The following KHDRBS2 variants were observed in gnomAD, a reference collection of about 807,000 sequenced individuals.
The protein encoded by KHDRBS2 is KH domain-containing, RNA-binding, signal transduction-associated protein 2.
A neutral mutation model predicts 44.3 loss-of-function variants in KHDRBS2; 26 were observed. That is an observed-to-expected ratio of 0.59 (90% CI 0.43 to 0.81). The LOEUF is 0.81. Ranked by LOEUF, KHDRBS2 falls within the 40% of genes least tolerant of loss-of-function variation. The pLI is 0.00. For missense variants in KHDRBS2, 476 were observed against 433.1 expected (o/e 1.10, Z -0.88); for synonymous variants, 194 against 151.1 (o/e 1.28, Z -2.08).
downstream of KHDRBS2, among the ~76,000 whole-genome samples, chr6:61,678,304 G>A (rs1242816670): frequency 6.6e-6 from 1 of 151,900 alleles, no homozygotes; most frequent in Non-Finnish European, 1.5e-5. Flanking sequence ...TCAACTTCTC[G>A]TGTACGGAAA....
chr6:61,789,315 A>G (rs763454014), intron 6 of KHDRBS2, among the ~76,000 whole-genome samples: 18 of 151,646 alleles, frequency 1.2e-4, no homozygotes, highest in Non-Finnish European at 2.4e-4. Context: ...GTAGTAGGAG[A>G]AAAGTATTGG....
At chr6:61,950,448 A>AT (rs915989352) in intron 4 of KHDRBS2, among the ~76,000 whole-genome samples, 12 of 151,936 alleles carry the variant, frequency 7.9e-5, no homozygotes, top group East Asian at 3.9e-4. Flanking sequence ...TTAATTCCAG[A>AT]TTTTTTTTCA....
intron 3 of KHDRBS2, among the ~76,000 whole-genome samples, chr6:62,002,019 A>G (rs1204158621): frequency 1.3e-5 from 2 of 152,134 alleles, no homozygotes; most frequent in Admixed American, 1.3e-4. Flanking sequence ...CTTTAGCTGA[A>G]GCATAGAAAG....
intron 3 of KHDRBS2, among the ~76,000 whole-genome samples, chr6:61,980,884 T>A (rs1379198619): frequency 4.6e-5 from 7 of 152,214 alleles, no homozygotes; most frequent in Non-Finnish European, 1.0e-4. Flanking sequence ...ACTGTCTTTG[T>A]GTACTACAGT....
At chr6:62,018,254 G>A (rs1411859656) in intron 3 of KHDRBS2, among the ~76,000 whole-genome samples, 1 of 146,832 alleles carries the variant, frequency 6.8e-6, no homozygotes, top group Admixed American at 6.8e-5. Context: ...TGTATAAATA[G>A]GTATTTATAC....
chr6:61,782,728 T>TACACACACACA (rs1783172976), intron 6 of KHDRBS2, among the ~76,000 whole-genome samples: 1 of 86,690 alleles, frequency 1.2e-5, no homozygotes, highest in African/African-American at 5.6e-5. Context: ...TATATATATA[T>TACACACACACA]ATATATATAT....
At chr6:61,762,988 A>T (rs1199745854) in intron 6 of KHDRBS2, among the ~76,000 whole-genome samples, 2 of 152,082 alleles carry the variant, frequency 1.3e-5, no homozygotes. Context: ...CTTGGCTTTT[A>T]CTTTCACTTC....
At chr6:62,032,965 G>A (rs1246509427) in intron 3 of KHDRBS2, among the ~76,000 whole-genome samples, 1 of 151,814 alleles carries the variant, frequency 6.6e-6, no homozygotes, top group East Asian at 1.9e-4. Context: ...TGAAATTCAA[G>A]ATAACACAGA....
chr6:61,862,773 C>T (rs1227533145), intron 6 of KHDRBS2, among the ~76,000 whole-genome samples: 1 of 151,972 alleles, frequency 6.6e-6, no homozygotes, highest in Non-Finnish European at 1.5e-5. Flanking sequence ...ATATCGGTCT[C>T]AAGTTTTCCT....
At chr6:61,785,571 A>C (rs1237497512) in intron 6 of KHDRBS2, among the ~76,000 whole-genome samples, 1 of 152,066 alleles carries the variant, frequency 6.6e-6, no homozygotes, top group African/African-American at 2.4e-5. Context: ...GAAAGACATA[A>C]AAATTGTTAA....
At chr6:61,632,109 C>A in the KHDRBS2 span, among the ~76,000 whole-genome samples, 1 of 152,068 alleles carries the variant, frequency 6.6e-6, no homozygotes, top group Admixed American at 6.6e-5. Context: ...GTTTTTTCAT[C>A]ATTATGAAAA....
At chr6:61,885,237 T>G (rs1326666634) in intron 6 of KHDRBS2, among the ~76,000 whole-genome samples, 1 of 151,994 alleles carries the variant, frequency 6.6e-6, no homozygotes, top group Middle Eastern at 3.4e-3. Flanking sequence ...CTGTAGCTGG[T>G]TGATAGAAAA....
the KHDRBS2 span, among the ~76,000 whole-genome samples, chr6:61,592,119 A>G: frequency 6.8e-6 from 1 of 146,028 alleles, no homozygotes; most frequent in African/African-American, 2.5e-5. Flanking sequence ...TGAGACCAGG[A>G]GATTGAGGCT....
At chr6:61,778,082 C>G (rs1019630237) in intron 6 of KHDRBS2, among the ~76,000 whole-genome samples, 3 of 152,092 alleles carry the variant, frequency 2.0e-5, no homozygotes, top group African/African-American at 7.2e-5. Context: ...TATTGGAAGT[C>G]CTAGCCAGAG....
chr6:61,866,838 C>A (rs1797873629), intron 6 of KHDRBS2, among the ~76,000 whole-genome samples: 1 of 152,220 alleles, frequency 6.6e-6, no homozygotes, highest in African/African-American at 2.4e-5. Flanking sequence ...TAAAACATAA[C>A]AAGAGTCACC....
At chr6:61,597,811 A>C in the KHDRBS2 span, among the ~76,000 whole-genome samples, 2 of 121,756 alleles carry the variant, frequency 1.6e-5, no homozygotes, top group African/African-American at 5.8e-5. Context: ...GAAGTGGACC[A>C]AAGGGACTAA....
At chr6:62,217,971 G>A (rs775875048) in intron 1 of KHDRBS2, among the ~76,000 whole-genome samples, 34 of 151,760 alleles carry the variant, frequency 2.2e-4, no homozygotes, top group Non-Finnish European at 4.9e-4. Context: ...AAAGACTAAT[G>A]AAGAGGAGGA....
intron 1 of KHDRBS2, among the ~76,000 whole-genome samples, chr6:62,238,041 A>T (rs1364642698): frequency 1.4e-5 from 2 of 138,876 alleles, no homozygotes; most frequent in African/African-American, 5.3e-5. Context: ...CAACAGGGCA[A>T]GACTCTGTCT....
chr6:61,723,420 C>T (rs1196000278), intron 7 of KHDRBS2, among the ~76,000 whole-genome samples: 8 of 151,968 alleles, frequency 5.3e-5, no homozygotes, highest in Non-Finnish European at 1.0e-4. Context: ...TCAGAAGGTA[C>T]GTAATAACAA....
Sources: allele counts gnomAD v4.1 joint callset (sites outside exome capture counted in the v4.1 genomes callset), GRCh38; gene constraint gnomAD v4.1.1; transcripts MANE v1.5; gene names NCBI Gene and HGNC (gene_info 2026-07-23, HGNC 2026-07-21).